Variants in CDC16 observed in about 807,000 individuals in gnomAD.
CDC16 encodes the protein cell division cycle protein 16 homolog.
CDC16 carries 34 observed loss-of-function variants against 87.0 expected under a neutral mutation model. The observed-to-expected ratio is 0.39, with a 90% CI of 0.30 to 0.52. CDC16 has a LOEUF of 0.52. Ranked by LOEUF, CDC16 falls within the 20% of genes least tolerant of loss-of-function variation. The pLI, the probability that CDC16 is intolerant of heterozygous loss-of-function variation, is 0.74. For missense variants in CDC16, 653 were observed against 751.9 expected (o/e 0.87, Z 1.54); for synonymous variants, 263 against 260.6 (o/e 1.01, Z -0.09).
intron 13 of CDC16, among the ~76,000 whole-genome samples, chr13:114,257,720 A>AT (rs2082594558): frequency 6.6e-6 from 1 of 152,332 alleles, no homozygotes. Context: ...AGAAAAATGT[A>AT]TGTAATCCTT....
At chr13:114,243,422 TA>T in intron 7 of CDC16, 74 bp downstream of exon 7, 2 of 745,488 alleles carry the variant, frequency 2.7e-6, no homozygotes, top group South Asian at 3.3e-5. Flanking sequence ...TCTAGTCTTA[TA>T]TTAAGTTTTC....
In CDC16 at chr13:114,244,934, A is replaced by G. The variant is rs369573404; in HGVS notation, c.812A>G (p.His271Arg). 9 of 1,610,388 alleles carry G rather than the reference A, an allele frequency of 5.6e-6. No individual in the cohort carries two copies. The highest frequency in any genetic ancestry group is 2.2e-5 in the East Asian group (1 of 44,752). Residue 271 changes from histidine (H) to arginine (R), a missense_variant, in exon 9 of 18, where the codon CAT (histidine) becomes CGT (arginine). Physicochemically the swap from His to Arg is conservative, Grantham distance 29. Transcript: ENST00000356221. ...DPFHASCLPV[H>R]IGTLVELNKA... ...TTCCATGCAAGTTGTTTACCTGTAC[A>G]TATAGGGACGCTTGTAGAGCTGAAT...
At chr13:114,237,492 A>G (rs1389359050) in intron 3 of CDC16, among the ~76,000 whole-genome samples, 2 of 151,940 alleles carry the variant, frequency 1.3e-5, no homozygotes, top group Non-Finnish European at 2.9e-5. Flanking sequence ...GAGCCTCACT[A>G]TGTTGCCCAG....
chr13:114,259,089 A>G (rs1384230285), intron 13 of CDC16, among the ~76,000 whole-genome samples: 1 of 142,742 alleles, frequency 7.0e-6, no homozygotes, highest in Non-Finnish European at 1.5e-5. Context: ...ACAGAGTGAG[A>G]CTCTTAAAAA....
intron 13 of CDC16, among the ~76,000 whole-genome samples, chr13:114,259,010 A>G (rs1407324604): frequency 6.6e-6 from 1 of 151,860 alleles, no homozygotes; most frequent in African/African-American, 2.4e-5. Context: ...GAGGCACAAG[A>G]ATCACTTAAA....
At position 114,244,000 on chromosome 13, in the gene CDC16, C is replaced by G; in HGVS notation, c.767+11C>G. 6.3e-7 allele frequency: 1 copy of G among 1,595,198 alleles called. No individual in the cohort carries two copies. Among genetic ancestry groups the G allele is most frequent in the Non-Finnish European group, 8.6e-7 (1 of 1,165,544 alleles). ...CAAGCTTACTTCTGTGTAAGTATAT[C>G]CATCCATTTTTCTGTAGGAACATGG... On this transcript the variant is annotated intron_variant, in intron 8 of 17. Coordinates refer to ENST00000356221, the MANE Select transcript of CDC16 (RefSeq NM_001078645.3).
intron 17 of CDC16, among the ~76,000 whole-genome samples, chr13:114,267,453 A>T (rs1033649078): frequency 1.3e-5 from 2 of 151,200 alleles, no homozygotes; most frequent in African/African-American, 4.9e-5. Flanking sequence ...GTGAGCCAAG[A>T]TTGTGCCACT....
At chr13:114,266,329 G>A (rs1330760129) in intron 17 of CDC16, among the ~76,000 whole-genome samples, 1 of 152,192 alleles carries the variant, frequency 6.6e-6, no homozygotes, top group Non-Finnish European at 1.5e-5. Context: ...ATTACCTTGG[G>A]TCCTCTCATG....
intron 8 of CDC16, 35 bp downstream of exon 8, chr13:114,244,024 G>A: frequency 6.6e-7 from 1 of 1,520,748 alleles, no homozygotes; most frequent in Non-Finnish European, 9.1e-7. Flanking sequence ...GTAGGAACAT[G>A]GAGTTCACTC....
At chr13:114,247,132 TTTC>T in intron 11 of CDC16, 128 bp downstream of exon 11, 2 of 628,552 alleles carry the variant, frequency 3.2e-6, no homozygotes, top group Non-Finnish European at 5.6e-6. Context: ...TTTTTCTTCC[TTTC>T]TTTTCTTTCT....
At chr13:114,269,641 A>G (rs1279470954) in intron 17 of CDC16, among the ~76,000 whole-genome samples, 1 of 152,192 alleles carries the variant, frequency 6.6e-6, no homozygotes, top group Admixed American at 6.5e-5. Flanking sequence ...ACAATAGAAT[A>G]CTATATTATT....
chr13:114,246,241 A>C (rs1224292958), intron 10 of CDC16, among the ~76,000 whole-genome samples, 192 bp downstream of exon 10: 1 of 152,204 alleles, frequency 6.6e-6, no homozygotes, highest in South Asian at 2.1e-4. Context: ...GGTATTTTTT[A>C]ATTATACCAA....
In CDC16 at chr13:114,250,653, C is replaced by A; in HGVS notation, c.1076C>A (p.Thr359Lys). The A allele has an allele frequency of 6.2e-7, 1 of 1,614,008 alleles. No homozygotes were observed. Among genetic ancestry groups the A allele is most frequent in the Non-Finnish European group, 8.5e-7 (1 of 1,179,908 alleles). ...GACCAAGCGATGGCTGCTTACTTCA[C>A]AGCAGCACAGCTGATGAAAGGGTAC... ...EHDQAMAAYFTAAQLMKGCHL... is the reference protein window; with the variant it reads ...EHDQAMAAYFKAAQLMKGCHL... The change falls in exon 12 of 18, where the codon ACA (threonine) becomes AAA (lysine). Residue 359 changes from threonine (T) to lysine (K), a missense_variant. By Grantham distance (78) the Thr-to-Lys change is moderately conservative (BLOSUM62 -1). Coordinates refer to ENST00000356221, the MANE Select transcript of CDC16 (RefSeq NM_001078645.3).
intron 17 of CDC16, among the ~76,000 whole-genome samples, chr13:114,271,414 G>A (rs2083644751): frequency 6.6e-6 from 1 of 152,084 alleles, no homozygotes; most frequent in Admixed American, 6.5e-5. Context: ...TATGGGAAAT[G>A]GATTTTATTT....
At chr13:114,261,547 T>TA (rs547149995) in intron 14 of CDC16, among the ~76,000 whole-genome samples, 2 of 151,742 alleles carry the variant, frequency 1.3e-5, no homozygotes, top group African/African-American at 2.4e-5. Flanking sequence ...GCACTAAACT[T>TA]AAAGTGCTTG....
intron 17 of CDC16, among the ~76,000 whole-genome samples, chr13:114,267,226 G>A (rs1241822281): frequency 2.0e-5 from 3 of 151,662 alleles, no homozygotes; most frequent in African/African-American, 4.8e-5. Context: ...GGTGGCCCAC[G>A]CCTGTAATCC....
chr13:114,235,210 G>T, intron 1 of CDC16, 78 bp downstream of exon 1: 2 of 1,014,600 alleles, frequency 2.0e-6, no homozygotes, highest in African/African-American at 1.7e-5. Context: ...TGGGGTGACT[G>T]TTGTCGGGGC....
chr13:114,272,465 C>T lies in CDC16; in HGVS notation c.*22C>T. The T allele has an allele frequency of 1.9e-6, 3 of 1,607,658 alleles. No individual in the cohort carries two copies. Among genetic ancestry groups the T allele is most frequent in the Non-Finnish European group, 1.7e-6 (2 of 1,175,520 alleles). On this transcript the variant is annotated 3_prime_UTR_variant, in exon 18 of 18. Transcript: ENST00000356221. ...GTGACTCCAGTCAGTGGTCCTGGTC[C>T]CACTGTCCCAGTGTAGGTTAGTATT...
chr13:114,238,036 C>G (rs762077652), intron 3 of CDC16, among the ~76,000 whole-genome samples: 2 of 151,866 alleles, frequency 1.3e-5, no homozygotes, highest in African/African-American at 2.4e-5. Context: ...AGCACGTGCT[C>G]CAGTCACGTG....
Sources: allele counts gnomAD v4.1 joint callset (sites outside exome capture counted in the v4.1 genomes callset), GRCh38; gene constraint gnomAD v4.1.1; transcripts MANE v1.5; gene names NCBI Gene and HGNC (gene_info 2026-07-23, HGNC 2026-07-21).